The following TRIP12 variants were observed in gnomAD, a reference collection of about 807,000 sequenced individuals.
TRIP12 encodes the protein E3 ubiquitin-protein ligase TRIP12.
In TRIP12, 25 loss-of-function variants were observed where a neutral mutation model predicts 244.2. That is an observed-to-expected ratio of 0.10 (90% CI 0.07 to 0.14). The LOEUF (loss-of-function observed/expected upper bound fraction) is 0.14, where lower values mean the gene tolerates loss of function less well. Among genes scored for constraint, TRIP12 ranks in the 10% least tolerant of loss-of-function variants. The probability of loss-of-function intolerance (pLI) is 1.00; values close to 1 mark genes in which losing one functional copy is unlikely to be tolerated. For missense variants in TRIP12, 1,677 were observed against 2,486.4 expected (o/e 0.67, Z 6.92); for synonymous variants, 905 against 873.1 (o/e 1.04, Z -0.64).
At chr2:229,910,882 T>C (rs568488266) in intron 1 of TRIP12, among the ~76,000 whole-genome samples, 6 of 152,140 alleles carry the variant, frequency 3.9e-5, no homozygotes, top group Non-Finnish European at 7.3e-5. Flanking sequence ...GAGAAATAAT[T>C]AGTAAATAGG....
intron 21 of TRIP12, among the ~76,000 whole-genome samples, 169 bp from the exon 22 acceptor site, chr2:229,799,552 A>G (rs2043697987): frequency 2.0e-5 from 3 of 152,092 alleles, no homozygotes; most frequent in Admixed American, 2.0e-4. Flanking sequence ...CGAGGCGGGC[A>G]GATCACGAGG....
intron 1 of TRIP12, among the ~76,000 whole-genome samples, chr2:229,900,573 T>C (rs1395946331): frequency 1.3e-5 from 2 of 152,128 alleles, no homozygotes; most frequent in East Asian, 1.9e-4. Flanking sequence ...TAAAAGTTAA[T>C]AGAATTTGGC....
chr2:229,802,579 C>T, intron 20 of TRIP12, 120 bp from the exon 21 acceptor site: 1 of 646,646 alleles, frequency 1.5e-6, no homozygotes, highest in Non-Finnish European at 2.4e-6. Context: ...TAAAACATAA[C>T]TGGCAAATAG....
At chr2:229,888,387 C>G (rs1341699133) in intron 1 of TRIP12, among the ~76,000 whole-genome samples, 1 of 151,858 alleles carries the variant, frequency 6.6e-6, no homozygotes, top group African/African-American at 2.4e-5. Context: ...GAAAAACAGA[C>G]AGCATAAAGA....
At chr2:229,807,234 T>C (rs1037865529) in intron 17 of TRIP12, 1 of 158,234 alleles carries the variant, frequency 6.3e-6, no homozygotes, top group Non-Finnish European at 1.4e-5. Flanking sequence ...GTCCCAATAA[T>C]ATCTGGATAA....
chr2:229,835,088 C>T (rs1051329852), intron 6 of TRIP12, among the ~76,000 whole-genome samples: 17 of 152,246 alleles, frequency 1.1e-4, no homozygotes, highest in Middle Eastern at 3.4e-3. Flanking sequence ...AAGAACTTAA[C>T]GTAAAGCTGC....
chr2:229,922,349 T>C (rs908128989), upstream of TRIP12: 1 of 650,154 alleles, frequency 1.5e-6, no homozygotes, highest in Non-Finnish European at 2.7e-6. Flanking sequence ...ATTTCACGGA[T>C]CAGGGTTCCC....
chr2:229,797,875 G>C (rs2043201169), intron 23 of TRIP12, 44 bp from the exon 24 acceptor site: 2 of 1,592,216 alleles, frequency 1.3e-6, no homozygotes, highest in Non-Finnish European at 1.7e-6. Context: ...AGTGTATGTA[G>C]AAAGGATATA....
chr2:229,864,892 G>A (rs1349093762), intron 2 of TRIP12, among the ~76,000 whole-genome samples: 1 of 152,126 alleles, frequency 6.6e-6, no homozygotes, highest in Non-Finnish European at 1.5e-5. Context: ...ACATAGTATT[G>A]ACTGTACCCT....
chr2:229,863,981 T>A (rs2060900510), intron 2 of TRIP12, among the ~76,000 whole-genome samples: 1 of 141,904 alleles, frequency 7.0e-6, no homozygotes, highest in African/African-American at 2.6e-5. Context: ...ATTTAGTAAA[T>A]TATAGCCCAA....
chr2:229,857,637 CAAA>C (rs57882382), intron 4 of TRIP12, among the ~76,000 whole-genome samples: 1 of 140,546 alleles, frequency 7.1e-6, no homozygotes. Context: ...GACTCTGTCT[CAAA>C]AAAAAAAAAG....
chr2:229,809,742 G>A (rs958825525), intron 15 of TRIP12, among the ~76,000 whole-genome samples: 5 of 152,090 alleles, frequency 3.3e-5, no homozygotes, highest in Admixed American at 2.0e-4. Flanking sequence ...TACCAAGTTT[G>A]GAAAAGACTC....
intron 18 of TRIP12, among the ~76,000 whole-genome samples, 158 bp from the exon 19 acceptor site, chr2:229,804,385 A>T (rs2045291968): frequency 6.6e-6 from 1 of 152,232 alleles, no homozygotes; most frequent in Admixed American, 6.5e-5. Context: ...ATCAACTAGG[A>T]TTTACAAAGA....
At chr2:229,895,676 T>C (rs1273169249) in intron 1 of TRIP12, among the ~76,000 whole-genome samples, 3 of 151,094 alleles carry the variant, frequency 2.0e-5, no homozygotes, top group Non-Finnish European at 2.9e-5. Flanking sequence ...GAAATTCATA[T>C]ATAAGTTTAA....
At chr2:229,918,132 G>A (rs1308646211) in intron 1 of TRIP12, among the ~76,000 whole-genome samples, 1 of 152,180 alleles carries the variant, frequency 6.6e-6, no homozygotes, top group Non-Finnish European at 1.5e-5. Flanking sequence ...GAAATACAAA[G>A]ATCACAGGTA....
intron 7 of TRIP12, 102 bp from the exon 8 acceptor site, chr2:229,829,390 G>A (rs1256370416): frequency 2.3e-6 from 2 of 879,980 alleles, no homozygotes; most frequent in African/African-American, 3.4e-5. Flanking sequence ...AACTGATTCA[G>A]TCAATGTTAC....
chr2:229,814,047 C>T lies in TRIP12; in HGVS notation c.1825-16G>A, dbSNP rs763944138. The T allele has an allele frequency of 3.2e-6, 5 of 1,559,662 alleles. No homozygotes were observed. The Admixed American group carries it at 7.1e-5, about 22-fold the overall frequency. ...CCAAACCACCCTAAAATATAGAAAA[C>T]TGTTAAGGTAAAGAAAAATCCTTTA... On this transcript the variant is annotated splice_polypyrimidine_tract_variant and intron_variant, in intron 12 of 41. Coordinates refer to ENST00000675903, the MANE Select transcript of TRIP12 (RefSeq NM_001348323.3).
intron 15 of TRIP12, among the ~76,000 whole-genome samples, chr2:229,809,673 A>G (rs914741757): frequency 6.6e-6 from 1 of 152,204 alleles, no homozygotes; most frequent in African/African-American, 2.4e-5. Flanking sequence ...AACCTTTCCC[A>G]ATCTTATTTA....
intron 31 of TRIP12, 111 bp from the exon 32 acceptor site, chr2:229,789,051 T>C (rs2154256839): frequency 1.0e-6 from 1 of 1,001,830 alleles, no homozygotes; most frequent in Non-Finnish European, 1.4e-6. Flanking sequence ...AATTCACGTG[T>C]TGGTTTCCAA....
Sources: allele counts gnomAD v4.1 joint callset (sites outside exome capture counted in the v4.1 genomes callset), GRCh38; gene constraint gnomAD v4.1.1; transcripts MANE v1.5; gene names NCBI Gene and HGNC (gene_info 2026-07-23, HGNC 2026-07-21).